MCC: variants seen among roughly 807,000 people sequenced by gnomAD.
MCC encodes MCC regulator of Wnt signaling pathway.
A neutral mutation model predicts 116.2 loss-of-function variants in MCC; 90 were observed. That is an observed-to-expected ratio of 0.77 (90% CI 0.65 to 0.92). MCC has a LOEUF of 0.92. Among genes scored for constraint, MCC ranks in the 40% least tolerant of loss-of-function variants. The pLI is 0.00. For missense variants in MCC, 1,516 were observed against 1,312.2 expected (o/e 1.16, Z -2.40); for synonymous variants, 578 against 510.5 (o/e 1.13, Z -1.78).
chr5:113,195,271 C>G lies in MCC; in HGVS notation c.628-43849G>C, dbSNP rs117018517. ...AGGGGTGACCAGTGTTCCTTAATGG[C>G]ACCCAGCATCGGGAATGTAGAACCT... On this transcript the variant is annotated intron_variant, in intron 3 of 18. Coordinates refer to ENST00000408903, the MANE Select transcript of MCC (RefSeq NM_001085377.2). Among the ~76,000 whole-genome samples the G allele has an allele frequency of 2.1e-4, 32 of 152,324 alleles. No individual in the cohort carries two copies. The East Asian group carries it at 6.2e-3, about 29-fold the overall frequency.
intron 6 of MCC, among the ~76,000 whole-genome samples, chr5:113,109,978 T>G (rs1178613186): frequency 6.6e-6 from 1 of 152,144 alleles, no homozygotes; most frequent in Non-Finnish European, 1.5e-5. Flanking sequence ...ATTTTTTTAT[T>G]TTAAAAATCT....
chr5:113,368,868 G>A (rs188704522), intron 2 of MCC, among the ~76,000 whole-genome samples: 1 of 152,260 alleles, frequency 6.6e-6, no homozygotes, highest in East Asian at 1.9e-4. Context: ...CCAACCACAA[G>A]CTCCAGGTTG....
intron 6 of MCC, among the ~76,000 whole-genome samples, chr5:113,119,537 G>A (rs1013270698): frequency 2.0e-4 from 30 of 152,356 alleles, no homozygotes; most frequent in African/African-American, 7.2e-4. Flanking sequence ...AAATGGCCAA[G>A]GAGGCGGCCA....
At chr5:113,385,273 G>T in intron 1 of MCC, 61 bp from the exon 2 acceptor site, 2 of 1,513,644 alleles carry the variant, frequency 1.3e-6, no homozygotes, top group South Asian at 2.5e-5. Flanking sequence ...TAGAGAAACT[G>T]GTTAATGAAA....
At chr5:113,143,087 T>C in intron 5 of MCC, 131 bp downstream of exon 5, 1 of 958,890 alleles carries the variant, frequency 1.0e-6, no homozygotes, top group Non-Finnish European at 1.5e-6. Flanking sequence ...AAAGAAAACA[T>C]CATTATAATC....
At chr5:113,152,924 G>A (rs767085676) in intron 3 of MCC, among the ~76,000 whole-genome samples, 8 of 152,140 alleles carry the variant, frequency 5.3e-5, no homozygotes, top group Non-Finnish European at 1.2e-4. Context: ...GGTCACTGTG[G>A]GTTTCAGATA....
chr5:113,484,617 A>T (rs1772463970), intron 1 of MCC, among the ~76,000 whole-genome samples: 1 of 152,238 alleles, frequency 6.6e-6, no homozygotes, highest in Non-Finnish European at 1.5e-5. Flanking sequence ...CAATAACGGC[A>T]GGATAAAGCA....
intron 1 of MCC, among the ~76,000 whole-genome samples, chr5:113,394,433 C>T (rs1014405369): frequency 1.3e-5 from 2 of 152,118 alleles, no homozygotes; most frequent in Non-Finnish European, 2.9e-5. Context: ...AGCTTCATAC[C>T]CAAGTTTCTC....
intron 3 of MCC, among the ~76,000 whole-genome samples, chr5:113,189,717 G>C (rs762450808): frequency 6.6e-6 from 1 of 152,220 alleles, no homozygotes; most frequent in Non-Finnish European, 1.5e-5. Flanking sequence ...TCAGAGTCTA[G>C]TGGAATCACT....
At chr5:113,171,333 G>A (rs1434574816) in intron 3 of MCC, among the ~76,000 whole-genome samples, 8 of 151,062 alleles carry the variant, frequency 5.3e-5, no homozygotes, top group Non-Finnish European at 1.0e-4. Context: ...AAAATGCACA[G>A]AGACAAGCAG....
intron 5 of MCC, among the ~76,000 whole-genome samples, chr5:113,135,978 G>T (rs1186226617): frequency 6.6e-6 from 1 of 152,172 alleles, no homozygotes; most frequent in East Asian, 1.9e-4. Flanking sequence ...TCAGGAGGCA[G>T]AGGTTGCAGT....
chr5:113,443,325 C>T (rs1021116196), intron 1 of MCC, among the ~76,000 whole-genome samples: 9 of 152,112 alleles, frequency 5.9e-5, no homozygotes, highest in East Asian at 3.9e-4. Context: ...TAGAAATGCT[C>T]GCGATTTTTG....
At chr5:113,225,106 AT>A (rs1386862848) in intron 3 of MCC, among the ~76,000 whole-genome samples, 1 of 152,210 alleles carries the variant, frequency 6.6e-6, no homozygotes, top group African/African-American at 2.4e-5. Flanking sequence ...CCTTATATAC[AT>A]TGCTTTACTT....
chr5:113,112,971 G>T (rs1350567499), intron 6 of MCC, among the ~76,000 whole-genome samples: 1 of 152,230 alleles, frequency 6.6e-6, no homozygotes, highest in Non-Finnish European at 1.5e-5. Flanking sequence ...AGCTGTCAGT[G>T]AAGTTAGAGA....
chr5:113,385,214 T>G lies in MCC; in HGVS notation c.171-2A>C. The G allele has an allele frequency of 6.2e-7, 1 of 1,613,412 alleles. No individual in the cohort carries two copies. Among genetic ancestry groups the G allele is most frequent in the Non-Finnish European group, 8.5e-7 (1 of 1,179,392 alleles). On this transcript the variant is annotated splice_acceptor_variant, in intron 1 of 18. Transcript: ENST00000408903. LOFTEE classifies it high-confidence loss of function. The stretch of plus-strand genomic sequence containing the variant: ...CGACAGACCATTAGCAAGTCATTTC[T>G]GCAGAAGGGGTTGAACAGAAGAAAA...
At chr5:113,091,589 G>T (rs1311797699) in intron 8 of MCC, among the ~76,000 whole-genome samples, 1 of 152,150 alleles carries the variant, frequency 6.6e-6, no homozygotes, top group African/African-American at 2.4e-5. Flanking sequence ...AATCTTAAAA[G>T]CCTTCTTGTG....
intron 3 of MCC, among the ~76,000 whole-genome samples, chr5:113,165,620 G>A (rs1054371323): frequency 1.1e-4 from 17 of 152,160 alleles, no homozygotes; most frequent in Non-Finnish European, 1.2e-4. Flanking sequence ...GCAGCAGGAA[G>A]AATAAAGAGG....
chr5:113,380,807 T>G (rs1440981092), intron 2 of MCC, among the ~76,000 whole-genome samples: 8 of 152,180 alleles, frequency 5.3e-5, no homozygotes, highest in African/African-American at 1.7e-4. Flanking sequence ...AAGTGCCTAG[T>G]AAAGGCTCAG....
At chr5:113,431,867 G>T (rs1364635529) in intron 1 of MCC, among the ~76,000 whole-genome samples, 1 of 151,818 alleles carries the variant, frequency 6.6e-6, no homozygotes, top group African/African-American at 2.4e-5. Flanking sequence ...GCGGGGTACA[G>T]TGGCTCACAC....
Sources: allele counts gnomAD v4.1 joint callset (sites outside exome capture counted in the v4.1 genomes callset), GRCh38; gene constraint gnomAD v4.1.1; transcripts MANE v1.5; gene names NCBI Gene and HGNC (gene_info 2026-07-23, HGNC 2026-07-21).